SLC2A14: variants seen among roughly 807,000 people sequenced by gnomAD.
SLC2A14 encodes the protein solute carrier family 2 member 14, also known as solute carrier family 2, facilitated glucose transporter member 14.
A neutral mutation model predicts 43.0 loss-of-function variants in SLC2A14; 13 were observed. That is an observed-to-expected ratio of 0.30 (90% CI 0.20 to 0.48). The LOEUF (loss-of-function observed/expected upper bound fraction) is 0.48. SLC2A14 is among the 20% of genes least tolerant of loss of function. SLC2A14 has a pLI of 0.99. For synonymous variants in SLC2A14, 190 were observed against 233.8 expected (o/e 0.81, Z 1.71); for missense variants, 428 against 620.4 (o/e 0.69, Z 3.29).
rs1287916042 is a variant in SLC2A14 at position 7,814,082 on chromosome 12, G to C, written c.*234C>G. 3.5e-5 allele frequency: 20 copies of C among 575,008 alleles called. No homozygotes were observed. Among genetic ancestry groups the C allele is most frequent in the Non-Finnish European group, 5.5e-5 (19 of 344,222 alleles). The allele number at this position is 575,008 out of a possible 1,614,324, so 35.6% of individuals were successfully genotyped here. ...GCGGCCAATCCCTCCTGAAATGAAG[G>C]TAGGTTCACTCGGTCTCTCCTAAGC... On this transcript the variant is annotated 3_prime_UTR_variant, in exon 11 of 11. Coordinates refer to ENST00000431042, the MANE Select transcript of SLC2A14 (RefSeq NM_001286234.2).
At chr12:7,875,590 C>T (rs964434434), upstream of SLC2A14, among the ~76,000 whole-genome samples, 13 of 151,912 alleles carry the variant, frequency 8.6e-5, no homozygotes, top group African/African-American at 1.9e-4. Flanking sequence ...ATCCTAAACC[C>T]CAGTGTGATG....
At chr12:7,852,156 G>T (rs1866985970) in intron 2 of SLC2A14, among the ~76,000 whole-genome samples, 1 of 152,082 alleles carries the variant, frequency 6.6e-6, no homozygotes, top group Non-Finnish European at 1.5e-5. Flanking sequence ...ACCTCCTCAA[G>T]AAAAACCTTA....
At chr12:7,837,265 C>G (rs1188160820) in intron 2 of SLC2A14, among the ~76,000 whole-genome samples, 1 of 151,792 alleles carries the variant, frequency 6.6e-6, no homozygotes, top group Non-Finnish European at 1.5e-5. Context: ...TAAATGTATA[C>G]AATTTTATTT....
chr12:7,840,470 C>T (rs930734442), intron 2 of SLC2A14, among the ~76,000 whole-genome samples: 2 of 152,090 alleles, frequency 1.3e-5, no homozygotes, highest in Admixed American at 6.6e-5. Context: ...ACCTCCGCCT[C>T]CTGGGTTCAA....
In SLC2A14 at chr12:7,829,453, G is replaced by A. The variant is rs1362487825; in HGVS notation, c.513+313C>T. 2.6e-5 allele frequency among the ~76,000 whole-genome samples: 4 copies of A among 151,050 alleles called. No individual in the cohort carries two copies. The South Asian group carries it at 6.3e-4, about 24-fold the overall frequency. On this transcript the variant is annotated intron_variant, in intron 5 of 10. Coordinates refer to ENST00000431042, the MANE Select transcript of SLC2A14 (RefSeq NM_001286234.2). ...TGCACACCTGTAATCCCAGCTACTC[G>A]GGAGGCTGAGGCATGAGAATCACTT...
In SLC2A14 at chr12:7,829,928, T is replaced by G. The variant is rs771606254; in HGVS notation, c.351A>C (p.Ser117=). 23 of 1,614,082 alleles carry G rather than the reference T, an allele frequency of 1.4e-5. No individual in the cohort carries two copies. The Middle Eastern group carries it at 4.9e-4, about 35-fold the overall frequency. The change falls in exon 5 of 11, where the codon TCA becomes TCC. Residue 117 remains serine, a synonymous_variant. Coordinates refer to ENST00000431042, the MANE Select transcript of SLC2A14 (RefSeq NM_001286234.2). ...AGCGGCCCAGGATCAGCATTTCAAC[T>G]GACTCAGCTATTTTACACAGTCCCA... is the stretch of plus-strand genomic sequence containing the variant. The part of the protein sequence containing the change: ...CLMGLCKIAE[S]VEMLILGRLV...
intron 1 of SLC2A14, among the ~76,000 whole-genome samples, chr12:7,882,279 C>A (rs767015994): frequency 6.6e-6 from 1 of 151,918 alleles, no homozygotes; most frequent in Non-Finnish European, 1.5e-5. Context: ...TAACACTCAC[C>A]GTGAAGGTCT....
chr12:7,845,365 C>T (rs183436306), intron 2 of SLC2A14, among the ~76,000 whole-genome samples: 38 of 152,290 alleles, frequency 2.5e-4, no homozygotes, highest in African/African-American at 8.7e-4. Flanking sequence ...AAAATAACCA[C>T]ACATTTATGT....
chr12:7,828,712 G>T lies in SLC2A14; in HGVS notation c.668C>A (p.Ala223Asp), dbSNP rs755571706. 7 of 1,613,980 alleles carry T rather than the reference G, an allele frequency of 4.3e-6. No individual in the cohort carries two copies. Among genetic ancestry groups the T allele is most frequent in the Non-Finnish European group, 5.9e-6 (7 of 1,179,918 alleles). The stretch of plus-strand genomic sequence containing the variant: ...GAGTGAAAGATACTCACTCCGCGTA[G>T]CATTCTCCTCTTTTTTTCTGTTAAT... ...LLINRKKEEN[A>D]TRILQRLWGT... The change falls in exon 6 of 11, where the codon GCT becomes GAT. Residue 223 changes from alanine (A) to aspartate (D), a missense_variant. Coordinates refer to ENST00000431042, the MANE Select transcript of SLC2A14 (RefSeq NM_001286234.2).
intron 3 of SLC2A14, 116 bp from the exon 4 acceptor site, chr12:7,831,880 G>A (rs148720531): frequency 2.3e-6 from 3 of 1,320,838 alleles, no homozygotes; most frequent in Admixed American, 2.2e-5. Context: ...AGGCCGAGGC[G>A]GGTGGATCAC....
intron 1 of SLC2A14, among the ~76,000 whole-genome samples, chr12:7,883,875 G>A (rs912715477): frequency 2.0e-5 from 3 of 151,412 alleles, no homozygotes; most frequent in African/African-American, 4.9e-5. Flanking sequence ...GAGCCACCAC[G>A]CCTGGCCCAC....
chr12:7,824,432 C>T (rs748858107), intron 7 of SLC2A14, among the ~76,000 whole-genome samples: 48 of 152,060 alleles, frequency 3.2e-4, no homozygotes, highest in African/African-American at 1.1e-3. Context: ...TACATGTACA[C>T]ATCTCAATAA....
At chr12:7,873,477 A>G, upstream of SLC2A14, 2 of 442,150 alleles carry the variant, frequency 4.5e-6, no homozygotes, top group South Asian at 9.5e-5. Context: ...CCCAGTCTTT[A>G]CTAAAAATAA....
intron 2 of SLC2A14, among the ~76,000 whole-genome samples, chr12:7,868,479 C>G (rs958119847): frequency 6.6e-6 from 1 of 152,126 alleles, no homozygotes; most frequent in South Asian, 2.1e-4. Flanking sequence ...AAATCCTCCC[C>G]GTCCATTCCA....
intron 1 of SLC2A14, among the ~76,000 whole-genome samples, chr12:7,884,880 GAGGGT>G (rs149447504): frequency 0.038 from 5,842 of 152,130 alleles, 297 homozygotes; most frequent in African/African-American, 0.12. Context: ...AAGATCCCCT[GAGGGT>G]AGGGTGGGAA....
At chr12:7,864,653 A>G (rs1281598446) in intron 2 of SLC2A14, among the ~76,000 whole-genome samples, 2 of 152,050 alleles carry the variant, frequency 1.3e-5, no homozygotes, top group Admixed American at 1.3e-4. Flanking sequence ...TTTACTGTTA[A>G]GTCTCTTTTA....
chr12:7,827,212 G>T (rs1200999455), intron 7 of SLC2A14, among the ~76,000 whole-genome samples: 2 of 148,952 alleles, frequency 1.3e-5, no homozygotes, highest in African/African-American at 4.9e-5. Context: ...CCAGATCCAA[G>T]AAATTCTCCG....
rs71038779 is a variant in SLC2A14 at position 7,826,861 on chromosome 12, TTTTCTTTCTTTC to T, written c.864+622_864+633del. ...TCCTTCCTTCCTTCCTTCCTTTCTT[TTTTCTTTCTTTC>T]TTTCTTTCTTTCTTTCTTTCTTTCT... On this transcript the variant is annotated intron_variant, in intron 7 of 10. Transcript: ENST00000431042. Among the ~76,000 whole-genome samples the T allele has an allele frequency of 4.5e-4, 27 of 60,324 alleles. No homozygotes were observed. The East Asian group carries it at 5.6e-3, about 12-fold the overall frequency. The allele number at this position is 60,324 out of a possible 152,430, so 39.6% of individuals were successfully genotyped here.
chr12:7,869,251 C>G lies in SLC2A14; in HGVS notation c.18+612G>C, dbSNP rs1294526249. Among the ~76,000 whole-genome samples the G allele has an allele frequency of 3.3e-5, 5 of 152,038 alleles. No homozygotes were observed. The East Asian group carries it at 5.8e-4, about 18-fold the overall frequency. On this transcript the variant is annotated intron_variant, in intron 2 of 10. Transcript: ENST00000431042. ...TTGGAGATGCAAAGCATTCAAGATG[C>G]GGGTAAGTTCCCAGAAAATAAGTTT... is the stretch of plus-strand genomic sequence containing the variant.
Sources: gnomAD v4.1 joint callset for allele counts (sites outside exome capture counted in the v4.1 genomes callset) on GRCh38, gnomAD v4.1.1 for gene constraint, MANE v1.5 for transcripts, NCBI Gene and HGNC (gene_info 2026-07-23, HGNC 2026-07-21) for gene names.